The following SYNCRIP variants were observed in gnomAD, a reference collection of about 807,000 sequenced individuals.
The protein encoded by SYNCRIP is heterogeneous nuclear ribonucleoprotein Q.
Under a neutral mutation model 68.9 loss-of-function variants are expected in SYNCRIP, and 9 were observed. The observed-to-expected ratio is 0.13, with a 90% CI of 0.08 to 0.23. The LOEUF (loss-of-function observed/expected upper bound fraction) is 0.23, where lower values mean the gene tolerates loss of function less well. SYNCRIP is among the 10% of genes least tolerant of loss of function. The pLI, the probability that SYNCRIP is intolerant of heterozygous loss-of-function variation, is 1.00. For missense variants in SYNCRIP, 414 were observed against 770.6 expected (o/e 0.54, Z 5.48); for synonymous variants, 258 against 254.0 (o/e 1.02, Z -0.15).
intron 4 of SYNCRIP, among the ~76,000 whole-genome samples, chr6:85,638,043 G>A (rs1376752124): frequency 6.6e-6 from 1 of 152,090 alleles, no homozygotes; most frequent in African/African-American, 2.4e-5. Flanking sequence ...TTTACTCAGA[G>A]CATTAGGTGT....
chr6:85,618,936 T>C lies in SYNCRIP; in HGVS notation c.1162A>G (p.Met388Val). The change falls in exon 10 of 11, where the codon ATG becomes GTG. Residue 388 changes from methionine (M) to valine (V), a missense_variant. Physicochemically the swap from Met to Val is conservative, Grantham distance 21. This residue lies in a region of SYNCRIP where 51 missense variants were observed against 151.1 expected (regional missense o/e 0.34). Transcript: ENST00000369622. ...FDERDGAVKA[M>V]EEMNGKDLEG... ...AAGTCTTTGCCATTCATTTCTTCCATAGCCTTAAAAAATTAGATAAGTCAA... is the reference window on the plus strand; with the variant it reads ...AAGTCTTTGCCATTCATTTCTTCCACAGCCTTAAAAAATTAGATAAGTCAA... The C allele has an allele frequency of 3.1e-6, 5 of 1,608,276 alleles. No individual in the cohort carries two copies. The highest frequency in any genetic ancestry group is 4.2e-6 in the Non-Finnish European group (5 of 1,177,932).
intron 8 of SYNCRIP, among the ~76,000 whole-genome samples, chr6:85,621,336 G>A (rs1003629848): frequency 5.9e-5 from 9 of 152,112 alleles, no homozygotes; most frequent in African/African-American, 2.2e-4. Context: ...AGGATAACTG[G>A]GGCATGGTGG....
At chr6:85,625,099 A>T (rs957562522) in intron 6 of SYNCRIP, among the ~76,000 whole-genome samples, 1 of 152,168 alleles carries the variant, frequency 6.6e-6, no homozygotes, top group African/African-American at 2.4e-5. Context: ...GAAAACATGT[A>T]AGTCAGAAAG....
Position 85,633,575 on chromosome 6 carries a change from A to G in SYNCRIP, c.666+3392T>C, listed in dbSNP as rs148586130. 2.6e-4 allele frequency among the ~76,000 whole-genome samples: 40 copies of G among 152,356 alleles called. No individual in the cohort carries two copies. The East Asian group carries it at 6.9e-3, about 26-fold the overall frequency. The stretch of plus-strand genomic sequence containing the variant: ...CACTGCACCCCAGCCTGGGCAACAG[A>G]GGGAGACTCCGTTTCAAAAAAACTT... On this transcript the variant is annotated intron_variant, in intron 6 of 10. Transcript: ENST00000369622.
At chr6:85,639,067 G>C (rs997440217) in intron 4 of SYNCRIP, among the ~76,000 whole-genome samples, 1 of 152,058 alleles carries the variant, frequency 6.6e-6, no homozygotes, top group South Asian at 2.1e-4. Flanking sequence ...AATCAGCTGG[G>C]CCTGGTGGCA....
downstream of SYNCRIP, chr6:85,609,281 A>G (rs1240880423): frequency 1.3e-5 from 2 of 151,930 alleles, no homozygotes; most frequent in African/African-American, 2.4e-5. Context: ...ATACTCTGTA[A>G]TAATAAGGGA....
intron 6 of SYNCRIP, among the ~76,000 whole-genome samples, chr6:85,626,314 CA>C (rs1317233314): frequency 7.2e-5 from 11 of 152,170 alleles, no homozygotes; most frequent in Admixed American, 2.0e-4. Flanking sequence ...GCCTTAGCAA[CA>C]AATCAGTGGT....
rs899395775 is a variant in SYNCRIP, at chr6:85,614,016, A to T, written c.*740T>A. ...TCTTTTTATTTTTGATGGGAACATG[A>T]AGTCTGTTGTAAAATAGCACTTTAA... On this transcript the variant is annotated 3_prime_UTR_variant, in exon 11 of 11. Coordinates refer to ENST00000369622, the MANE Select transcript of SYNCRIP (RefSeq NM_006372.5). 6 of 985,086 alleles carry T rather than the reference A, an allele frequency of 6.1e-6. No individual in the cohort carries two copies. The allele number at this position is 985,086 out of a possible 1,614,324, so 61.0% of individuals were successfully genotyped here. A position where few individuals can be genotyped will look rare whatever the true frequency, so the allele number is the denominator to read the frequency against.
chr6:85,642,285 G>T (rs979226956), intron 1 of SYNCRIP, among the ~76,000 whole-genome samples: 1 of 151,958 alleles, frequency 6.6e-6, no homozygotes, highest in Non-Finnish European at 1.5e-5. Flanking sequence ...GACGACCCCC[G>T]GCCGCCCGCC....
chr6:85,624,227 C>A, intron 6 of SYNCRIP, 115 bp from the exon 7 acceptor site: 1 of 991,866 alleles, frequency 1.0e-6, no homozygotes, highest in Non-Finnish European at 1.5e-6. Flanking sequence ...CCTTAATTCC[C>A]ATACAAGGGA....
At position 85,625,333 on chromosome 6, in the gene SYNCRIP, CCTCT is replaced by C. The variant is rs372081146; in HGVS notation, c.667-1225_667-1222del. ...AAAAAGATGACTCCTGCTACTTTCT[CCTCT>C]CTCTCTCAAATACCTTTTTATATCA... On this transcript the variant is annotated intron_variant, in intron 6 of 10. Coordinates refer to ENST00000369622, the MANE Select transcript of SYNCRIP (RefSeq NM_006372.5). 1.1e-3 allele frequency among the ~76,000 whole-genome samples: 172 copies of C among 151,754 alleles called. 1 individual carries two copies. The highest frequency in any genetic ancestry group is 4.1e-3 in the African/African-American group (171 of 41,396).
rs534275395 is a variant in SYNCRIP at position 85,617,268 on chromosome 6, TA to T, written c.1280+1549del. Among the ~76,000 whole-genome samples, 14 of 152,200 alleles carry T rather than the reference TA, an allele frequency of 9.2e-5. No individual in the cohort carries two copies. In the East Asian group the frequency reaches 2.7e-3, roughly 29 times the overall value. ...ACATGCAATCATCCCTTTTAGTTTG[TA>T]CTCCTTTTCAAATATTAACAGATAT... is the stretch of plus-strand genomic sequence containing the variant. On this transcript the variant is annotated intron_variant, in intron 10 of 10. Transcript: ENST00000369622.
At chr6:85,618,316 G>A (rs1362264842) in intron 10 of SYNCRIP, among the ~76,000 whole-genome samples, 2 of 151,810 alleles carry the variant, frequency 1.3e-5, no homozygotes, top group East Asian at 1.9e-4. Flanking sequence ...AGAGGTGGGC[G>A]GATCACCTGA....
chr6:85,643,330 T>A (rs1032713108), upstream of SYNCRIP: 1 of 152,246 alleles, frequency 6.6e-6, no homozygotes, highest in African/African-American at 2.4e-5. Context: ...CGCGCTGACG[T>A]GACAACGTAG....
intron 6 of SYNCRIP, among the ~76,000 whole-genome samples, chr6:85,634,972 C>T (rs1283245935): frequency 1.3e-5 from 2 of 152,104 alleles, no homozygotes; most frequent in Non-Finnish European, 2.9e-5. Flanking sequence ...GAGTTCAAGA[C>T]CGGCCTGGCC....
chr6:85,634,341 CT>C (rs1435777882), intron 6 of SYNCRIP, among the ~76,000 whole-genome samples: 4 of 152,016 alleles, frequency 2.6e-5, no homozygotes, highest in African/African-American at 9.7e-5. Context: ...TAGTGGTCAC[CT>C]ACCATAATTG....
chr6:85,631,278 G>A (rs1583293160), intron 6 of SYNCRIP, among the ~76,000 whole-genome samples: 1 of 148,786 alleles, frequency 6.7e-6, no homozygotes, highest in Non-Finnish European at 1.5e-5. Flanking sequence ...GGCAGAGGGT[G>A]CAGTGAGCTG....
chr6:85,613,948 G>A, downstream of SYNCRIP: 1 of 975,620 alleles, frequency 1.0e-6, no homozygotes, highest in Non-Finnish European at 1.2e-6. Context: ...TCACAATTAA[G>A]AACTCTAAAA....
chr6:85,635,774 CAAAAAA>C (rs58599854), intron 6 of SYNCRIP, among the ~76,000 whole-genome samples: 403 of 78,910 alleles, frequency 5.1e-3, no homozygotes, highest in Non-Finnish European at 7.5e-3. Flanking sequence ...TTCTATCTCC[CAAAAAA>C]AAAAAAAAAA....
Sources: gnomAD v4.1 joint callset for allele counts (sites outside exome capture counted in the v4.1 genomes callset) on GRCh38, gnomAD v4.1.1 for gene constraint, gnomAD v4.1.1 regional missense constraint, MANE v1.5 for transcripts, NCBI Gene and HGNC (gene_info 2026-07-23, HGNC 2026-07-21) for gene names.